The following MOK variants were observed in gnomAD, a reference collection of about 807,000 sequenced individuals.
MOK encodes MAPK/MAK/MRK overlapping kinase.
In MOK, 59 loss-of-function variants were observed where a neutral mutation model predicts 54.2. The observed-to-expected ratio is 1.09, with a 90% CI of 0.88 to 1.35. The LOEUF (loss-of-function observed/expected upper bound fraction) is 1.35. Among genes scored for constraint, MOK ranks in the 40% most tolerant of loss-of-function variants. MOK has a pLI of 0.00. For synonymous variants in MOK, 210 were observed against 202.7 expected, an observed-to-expected ratio of 1.04 and a Z score of -0.31; for missense variants, 517 against 526.2, an observed-to-expected ratio of 0.98 and a Z score of 0.17.
intron 2 of MOK, among the ~76,000 whole-genome samples, chr14:102,266,400 G>C (rs1009477983): frequency 6.6e-6 from 1 of 151,322 alleles, no homozygotes; most frequent in African/African-American, 2.4e-5. Flanking sequence ...AACCTTCCAG[G>C]CTCAGGTGAT....
At chr14:102,263,494 T>A (rs1260809122) in intron 4 of MOK, 52 bp downstream of exon 4, 3 of 1,302,676 alleles carry the variant, frequency 2.3e-6, no homozygotes, top group Non-Finnish European at 3.3e-6. Context: ...CATATATGAA[T>A]TACAAGCCTT....
intron 7 of MOK, among the ~76,000 whole-genome samples, chr14:102,239,025 C>T (rs1456843324): frequency 6.6e-6 from 1 of 152,146 alleles, no homozygotes; most frequent in Non-Finnish European, 1.5e-5. Flanking sequence ...TTTCCTACCT[C>T]TTCAGAAAAA....
At chr14:102,276,199 T>A (rs1340829663) in intron 2 of MOK, among the ~76,000 whole-genome samples, 1 of 152,096 alleles carries the variant, frequency 6.6e-6, no homozygotes, top group African/African-American at 2.4e-5. Flanking sequence ...TATAAAAAGC[T>A]ACAGGCCGGG....
At chr14:102,220,213 G>T (rs1292372563), downstream of MOK, among the ~76,000 whole-genome samples, 1 of 152,148 alleles carries the variant, frequency 6.6e-6, no homozygotes, top group East Asian at 1.9e-4. This position sits in a 1 kb window ranked among gnomAD's most constrained non-coding sequence, Gnocchi z 4.2. Flanking sequence ...CGAGTCCTCT[G>T]GGGCCTCACA....
chr14:102,220,554 A>G (rs1248168379), downstream of MOK, among the ~76,000 whole-genome samples: 1 of 151,996 alleles, frequency 6.6e-6, no homozygotes, highest in African/African-American at 2.4e-5. This position sits in a 1 kb window ranked among gnomAD's most constrained non-coding sequence, Gnocchi z 4.2. Flanking sequence ...CCCCATCTCT[A>G]CTAAAACTAC....
chr14:102,237,603 C>G (rs1204202897), intron 7 of MOK, among the ~76,000 whole-genome samples: 1 of 152,226 alleles, frequency 6.6e-6, no homozygotes, highest in African/African-American at 2.4e-5. Flanking sequence ...TACTCCCCAA[C>G]TTCTGCAAAC....
chr14:102,244,494 G>A (rs1481016275), intron 7 of MOK, among the ~76,000 whole-genome samples: 1 of 152,074 alleles, frequency 6.6e-6, no homozygotes, highest in African/African-American at 2.4e-5. Flanking sequence ...TATCCTCAAG[G>A]AAATCACTTC....
intron 7 of MOK, 40 bp downstream of exon 7, chr14:102,250,772 T>C (rs1184612764): frequency 6.3e-7 from 1 of 1,595,186 alleles, no homozygotes; most frequent in Non-Finnish European, 8.6e-7. Context: ...GCTGCACCGC[T>C]CCGCCGCAGG....
chr14:102,218,130 C>T, the MOK span, among the ~76,000 whole-genome samples: 1 of 152,236 alleles, frequency 6.6e-6, no homozygotes, highest in African/African-American at 2.4e-5. Context: ...GCTAGTCTGC[C>T]CGCCCGCGTG....
Position 102,285,082 on chromosome 14 carries a change from CA to C in MOK, c.8-1491del, listed in dbSNP as rs34015643. On this transcript the variant is annotated intron_variant, in intron 1 of 11. Coordinates refer to ENST00000361847, the MANE Select transcript of MOK (RefSeq NM_014226.3). ...TGGGCTACAGAGTGAGATGTCATCTCAAAAAAAAAAAAAAAAAAGAAAATGC... is the reference window on the plus strand; with the variant it reads ...TGGGCTACAGAGTGAGATGTCATCTCAAAAAAAAAAAAAAAAAGAAAATGC... Among the ~76,000 whole-genome samples the C allele has an allele frequency of 3.0e-3, 198 of 65,964 alleles. 1 individual carries two copies. The highest frequency in any genetic ancestry group is 9.8e-3 in the Middle Eastern group (1 of 102). The allele number at this position is 65,964 out of a possible 152,430, so 43.3% of individuals were successfully genotyped here.
chr14:102,302,171 C>G (rs908911628), intron 1 of MOK, among the ~76,000 whole-genome samples: 1 of 151,092 alleles, frequency 6.6e-6, no homozygotes, highest in African/African-American at 2.4e-5. Context: ...CTCCCAGGTT[C>G]AAGCGATTCC....
At chr14:102,282,414 C>T (rs986623095) in intron 2 of MOK, among the ~76,000 whole-genome samples, 10 of 151,902 alleles carry the variant, frequency 6.6e-5, no homozygotes, top group African/African-American at 2.4e-4. Context: ...ACCTCTAATA[C>T]ATTTAGACTA....
intron 1 of MOK, among the ~76,000 whole-genome samples, chr14:102,290,296 G>A (rs555672081): frequency 7.9e-5 from 12 of 151,938 alleles, no homozygotes; most frequent in South Asian, 4.2e-4. Context: ...AAAATTAGCC[G>A]GGTGTGGTGG....
intron 4 of MOK, among the ~76,000 whole-genome samples, chr14:102,261,486 A>T (rs2067464218): frequency 7.5e-6 from 1 of 134,134 alleles, no homozygotes; most frequent in Admixed American, 8.1e-5. Context: ...CAAGCGTCTA[A>T]ACACACAGCA....
At chr14:102,262,655 C>T (rs760254971) in intron 4 of MOK, among the ~76,000 whole-genome samples, 6 of 152,106 alleles carry the variant, frequency 3.9e-5, no homozygotes, top group Non-Finnish European at 7.4e-5. Flanking sequence ...TGTCTTCTTC[C>T]ATCACAAAAA....
chr14:102,289,500 T>C (rs1258761129), intron 1 of MOK, among the ~76,000 whole-genome samples: 2 of 151,978 alleles, frequency 1.3e-5, no homozygotes, highest in African/African-American at 4.8e-5. Context: ...TGTTTTTTAT[T>C]TTTATTTTAT....
chr14:102,276,398 A>C (rs988996422), intron 2 of MOK, among the ~76,000 whole-genome samples: 3 of 152,150 alleles, frequency 2.0e-5, no homozygotes, highest in African/African-American at 7.2e-5. Flanking sequence ...CTGAGGCAAG[A>C]GAATGGCGTG....
chr14:102,289,740 T>TCA lies in MOK; in HGVS notation c.8-6150_8-6149dup, dbSNP rs1382891946. ...CCTAACCTCAGGTAATCCACCCGCC[T>TCA]CAGCTTCCCACCCGCCTCACCCTCC... On this transcript the variant is annotated intron_variant, in intron 1 of 11. Coordinates refer to ENST00000361847, the MANE Select transcript of MOK (RefSeq NM_014226.3). Among the ~76,000 whole-genome samples the TCA allele has an allele frequency of 7.2e-5, 11 of 151,922 alleles. No individual in the cohort carries two copies. The South Asian group carries it at 2.3e-3, about 32-fold the overall frequency.
intron 2 of MOK, among the ~76,000 whole-genome samples, chr14:102,281,498 CAA>C (rs1184533713): frequency 4.6e-4 from 22 of 48,242 alleles, no homozygotes; most frequent in Non-Finnish European, 6.6e-4. Context: ...GACCCTGACT[CAA>C]AAAAAAAAAA....
Sources: allele counts gnomAD v4.1 joint callset (sites outside exome capture counted in the v4.1 genomes callset), GRCh38; gene constraint gnomAD v4.1.1; non-coding constraint Gnocchi (gnomAD v3.1); transcripts MANE v1.5; gene names NCBI Gene and HGNC (gene_info 2026-07-23, HGNC 2026-07-21).